Variants in VPS13B observed in about 807,000 individuals in gnomAD.
VPS13B encodes the protein intermembrane lipid transfer protein VPS13B.
In VPS13B, 285 loss-of-function variants were observed where a neutral mutation model predicts 426.4. The observed-to-expected ratio is 0.67, with a 90% confidence interval of 0.61 to 0.74. VPS13B has a LOEUF of 0.74. Among genes scored for constraint, VPS13B ranks in the 30% least tolerant of loss-of-function variants. The pLI is 0.00. For missense variants in VPS13B, 4,537 were observed against 4,782.6 expected, an observed-to-expected ratio of 0.95 and a Z score of 1.51; for synonymous variants, 1,676 against 1,676.4, an observed-to-expected ratio of 1.00 and a Z score of 0.01.
chr8:99,841,475 A>G (rs1815680219), intron 54 of VPS13B, among the ~76,000 whole-genome samples: 2 of 152,242 alleles, frequency 1.3e-5, no homozygotes, highest in Non-Finnish European at 2.9e-5. Flanking sequence ...TACAAAAACC[A>G]TAAATAAAAT....
chr8:99,720,285 A>G (rs1204350224), intron 37 of VPS13B, 60 bp from the exon 38 acceptor site: 25 of 1,308,294 alleles, frequency 1.9e-5, no homozygotes, highest in Middle Eastern at 2.6e-4. Flanking sequence ...GATTATACCT[A>G]ATTAGTCTCA....
intron 55 of VPS13B, among the ~76,000 whole-genome samples, chr8:99,849,582 G>A (rs1006718787): frequency 7.2e-5 from 11 of 152,118 alleles, no homozygotes; most frequent in African/African-American, 2.7e-4. Context: ...TACATATTAA[G>A]AGCTTTAAAA....
intron 19 of VPS13B, among the ~76,000 whole-genome samples, chr8:99,351,717 TCTTA>T (rs1811906441): frequency 6.6e-6 from 1 of 152,104 alleles, no homozygotes; most frequent in Non-Finnish European, 1.5e-5. Context: ...CAAATATACA[TCTTA>T]CTTATACTAC....
chr8:99,190,424 GT>G (rs943111582), intron 16 of VPS13B, among the ~76,000 whole-genome samples: 4 of 151,432 alleles, frequency 2.6e-5, no homozygotes, highest in African/African-American at 9.7e-5. Flanking sequence ...ATATTTTGGG[GT>G]TTAGTTCTAG....
chr8:99,590,581 A>G (rs970138483), intron 33 of VPS13B, among the ~76,000 whole-genome samples: 1 of 152,216 alleles, frequency 6.6e-6, no homozygotes, highest in Middle Eastern at 3.4e-3. Flanking sequence ...TTCTGCCTTC[A>G]TTTCGTTATT....
At chr8:99,803,475 A>G (rs1411874107) in intron 43 of VPS13B, among the ~76,000 whole-genome samples, 1 of 152,164 alleles carries the variant, frequency 6.6e-6, no homozygotes, top group Non-Finnish European at 1.5e-5. Context: ...TTTCCTACCA[A>G]AACAAACTAC....
chr8:99,148,317 TC>T (rs1263066509), intron 14 of VPS13B, among the ~76,000 whole-genome samples: 1 of 148,898 alleles, frequency 6.7e-6, no homozygotes, highest in African/African-American at 2.5e-5. Flanking sequence ...TGAACTATGA[TC>T]ACGCCACTAC....
At chr8:99,822,891 G>A (rs541462219) in intron 50 of VPS13B, among the ~76,000 whole-genome samples, 5 of 152,204 alleles carry the variant, frequency 3.3e-5, no homozygotes, top group South Asian at 2.1e-4. Context: ...TCCACTGTAC[G>A]TTCATGAGAG....
intron 3 of VPS13B, among the ~76,000 whole-genome samples, chr8:99,066,105 C>T (rs1401378350): frequency 6.6e-6 from 1 of 152,194 alleles, no homozygotes; most frequent in East Asian, 1.9e-4. Context: ...CAATGCCATC[C>T]CCATGAAGCT....
At chr8:99,585,547 G>C (rs1027803359) in intron 33 of VPS13B, among the ~76,000 whole-genome samples, 1 of 152,072 alleles carries the variant, frequency 6.6e-6, no homozygotes, top group Non-Finnish European at 1.5e-5. Flanking sequence ...ATCAATTAAC[G>C]TAAAGCACTA....
At chr8:99,547,315 C>G (rs1329282834) in intron 30 of VPS13B, among the ~76,000 whole-genome samples, 1 of 148,560 alleles carries the variant, frequency 6.7e-6, no homozygotes, top group Non-Finnish European at 1.5e-5. Flanking sequence ...GTCTGACAGA[C>G]AATTATTATA....
intron 3 of VPS13B, among the ~76,000 whole-genome samples, chr8:99,087,840 C>T (rs1429135808): frequency 1.3e-5 from 2 of 152,044 alleles, no homozygotes; most frequent in African/African-American, 4.8e-5. Context: ...TTCCTGTGCA[C>T]ATATATAATT....
chr8:99,135,972 G>A (rs1810051453), intron 11 of VPS13B, among the ~76,000 whole-genome samples: 1 of 151,972 alleles, frequency 6.6e-6, no homozygotes, highest in Admixed American at 6.5e-5. Context: ...AAAAATAATC[G>A]TGGAGGAAAC....
chr8:99,649,127 T>C (rs1306185571), intron 34 of VPS13B, among the ~76,000 whole-genome samples: 2 of 152,278 alleles, frequency 1.3e-5, no homozygotes, highest in East Asian at 3.9e-4. Flanking sequence ...GTTGTTTTTC[T>C]CTAGCTGTTT....
intron 16 of VPS13B, among the ~76,000 whole-genome samples, chr8:99,192,496 G>T (rs1483352558): frequency 6.6e-6 from 1 of 152,156 alleles, no homozygotes; most frequent in Admixed American, 6.5e-5. Context: ...ATTATGGAAG[G>T]ATTCAACGTG....
chr8:99,086,756 A>G (rs1290715502), intron 3 of VPS13B, among the ~76,000 whole-genome samples: 1 of 152,184 alleles, frequency 6.6e-6, no homozygotes. Context: ...TCAGCAGCGG[A>G]GGCTGCAGAA....
rs1360776984 is a variant in VPS13B, at chr8:99,760,396, AT to A, written c.7051-6375del. On this transcript the variant is annotated intron_variant, in intron 39 of 61. Transcript: ENST00000357162. The stretch of plus-strand genomic sequence containing the variant: ...AAGAAAATAAAGTCAAAAATCCTTA[AT>A]TTGGCCTAAAAACAATACAGGTTTT... Among the ~76,000 whole-genome samples, 3 of 152,262 alleles carry A rather than the reference AT, an allele frequency of 2.0e-5. No homozygotes were observed. In the East Asian group the frequency reaches 5.8e-4, roughly 29 times the overall value.
Position 99,820,017 on chromosome 8 carries a change from G to A in VPS13B, c.8889G>A (p.Trp2963Ter). 6.2e-7 allele frequency: 1 copy of A among 1,613,938 alleles called. No homozygotes were observed. The highest frequency in any genetic ancestry group is 8.5e-7 in the Non-Finnish European group (1 of 1,179,916). ...CTTTGTTGATAGAACTTCTGCCCTG[G>A]GCCCTGCTTATCAATGAATCCAAAT... is the stretch of plus-strand genomic sequence containing the variant. ...VRTLLIELLP[W>*]ALLINESKWD... Residue 2963 changes from tryptophan (W) to a stop codon, truncating the protein, a stop_gained, in exon 49 of 62, where the codon TGG (tryptophan) becomes TGA (stop). Transcript: ENST00000357162. LOFTEE classifies it high-confidence loss of function.
In VPS13B at chr8:99,399,969, A is replaced by G. The variant is rs7813332; in HGVS notation, c.3082+8265A>G. Among the ~76,000 whole-genome samples the G allele has an allele frequency of 3.9e-3, 587 of 152,272 alleles. 6 individuals carry two copies. The highest frequency in any genetic ancestry group is 0.013 in the African/African-American group (522 of 41,560). On this transcript the variant is annotated intron_variant, in intron 21 of 61. Transcript: ENST00000357162. ...TTATTCCATATTTAATTTTTAAAAA[A>G]TTCTTGGTCCTTACATCTTTGGCTC...
Sources: allele counts gnomAD v4.1 joint callset (sites outside exome capture counted in the v4.1 genomes callset), GRCh38; gene constraint gnomAD v4.1.1; transcripts MANE v1.5; gene names NCBI Gene and HGNC (gene_info 2026-07-23, HGNC 2026-07-21).